The following TLE1 variants were observed in gnomAD, a reference collection of about 807,000 sequenced individuals.
The protein encoded by TLE1 is TLE family member 1, transcriptional corepressor, also known as transducin-like enhancer protein 1.
In TLE1, 21 loss-of-function variants were observed where a neutral mutation model predicts 89.8. That is an observed-to-expected ratio of 0.23 (90% CI 0.17 to 0.34). The LOEUF (loss-of-function observed/expected upper bound fraction) is 0.34. TLE1 is among the 10% of genes least tolerant of loss of function. The pLI is 1.00. For synonymous variants in TLE1, 447 were observed against 407.6 expected, an observed-to-expected ratio of 1.10 and a Z score of -1.16; for missense variants, 795 against 1,031.2, an observed-to-expected ratio of 0.77 and a Z score of 3.14.
At chr9:81,647,879 G>A (rs1241367882) in intron 6 of TLE1, among the ~76,000 whole-genome samples, 1 of 152,080 alleles carries the variant, frequency 6.6e-6, no homozygotes. Context: ...GGACCAACAG[G>A]TGGTTAGAAA....
rs77830683 is a variant in TLE1, at chr9:81,686,381, A to G, written c.126-485T>C. Among the ~76,000 whole-genome samples, 584 of 152,336 alleles carry G rather than the reference A, an allele frequency of 3.8e-3. 3 individuals carry two copies. Among genetic ancestry groups the G allele is most frequent in the Middle Eastern group, 0.01 (3 of 294 alleles). ...CTTTGGTTTTTAAATCCCTGCCAAA[A>G]TATGTCAAGTAGCTACTGCAATAAA... On this transcript the variant is annotated intron_variant, in intron 2 of 19. Coordinates refer to ENST00000376499, the MANE Select transcript of TLE1 (RefSeq NM_005077.5).
intron 14 of TLE1, among the ~76,000 whole-genome samples, chr9:81,608,524 A>T (rs528391669): frequency 6.6e-6 from 1 of 152,270 alleles, no homozygotes; most frequent in South Asian, 2.1e-4. Flanking sequence ...TAAAAATAAA[A>T]AACTCACTAA....
At chr9:81,644,706 G>T (rs923824362) in intron 6 of TLE1, among the ~76,000 whole-genome samples, 1 of 152,024 alleles carries the variant, frequency 6.6e-6, no homozygotes, top group Non-Finnish European at 1.5e-5. Context: ...TAAAAAAGAC[G>T]AATTTGGCCA....
intron 14 of TLE1, among the ~76,000 whole-genome samples, chr9:81,596,438 G>A (rs1424888282): frequency 6.6e-6 from 1 of 152,020 alleles, no homozygotes; most frequent in African/African-American, 2.4e-5. Context: ...GGATCAACTG[G>A]AAGGAAAAAA....
rs57789357 is a variant in TLE1, at chr9:81,658,918, A to T, written c.235-4882T>A. Among the ~76,000 whole-genome samples, 1,147 of 149,124 alleles carry T rather than the reference A, an allele frequency of 7.7e-3. 15 individuals are homozygous for T. The highest frequency in any genetic ancestry group is 0.026 in the African/African-American group (1,061 of 40,730). On this transcript the variant is annotated intron_variant, in intron 4 of 19. Transcript: ENST00000376499. ...TATGTATTTATTTATCTATTTATTT[A>T]TTTTTTTTTTAGATGGAGTCTTGCT...
intron 11 of TLE1, among the ~76,000 whole-genome samples, chr9:81,613,754 C>T (rs1205068311): frequency 2.6e-5 from 4 of 152,122 alleles, no homozygotes; most frequent in Non-Finnish European, 5.9e-5. Context: ...ACACTTCTTC[C>T]TCCGCAGATT....
At position 81,677,564 on chromosome 9, in the gene TLE1, C is replaced by CAA. The variant is rs60091510; in HGVS notation, c.234+8110_234+8111dup. Among the ~76,000 whole-genome samples, 553 of 85,358 alleles carry CAA rather than the reference C, an allele frequency of 6.5e-3. 8 individuals are homozygous for CAA. The highest frequency in any genetic ancestry group is 0.022 in the South Asian group (51 of 2,288). 56.0% of individuals were successfully genotyped at this position (85,358 alleles called of 152,430 possible). ...TGGGTAACAGAGCGAGACTCCATCT[C>CAA]AAAAAAAAAAAAAAAAAAAAGTAAA... On this transcript the variant is annotated intron_variant, in intron 4 of 19. Coordinates refer to ENST00000376499, the MANE Select transcript of TLE1 (RefSeq NM_005077.5).
At chr9:81,624,960 G>A (rs985509337) in intron 8 of TLE1, among the ~76,000 whole-genome samples, 1 of 152,068 alleles carries the variant, frequency 6.6e-6, no homozygotes, top group Admixed American at 6.6e-5. Context: ...GCATACACTT[G>A]TGGGTACAGG....
rs1456180801 is a variant in TLE1, at chr9:81,619,040, A to G, written c.711+1401T>C. Among the ~76,000 whole-genome samples the G allele has an allele frequency of 2.0e-5, 3 of 152,190 alleles. No homozygotes were observed. In the East Asian group the frequency reaches 5.8e-4, roughly 29 times the overall value. Reference sequence around the variant, plus strand: ...CGGCAAGCTTTATGGATTCTAGAGCACTCATTACTAAATAACTTACTATAC... The same window carrying G: ...CGGCAAGCTTTATGGATTCTAGAGCGCTCATTACTAAATAACTTACTATAC... On this transcript the variant is annotated intron_variant, in intron 9 of 19. Transcript: ENST00000376499.
chr9:81,643,158 C>T (rs1178649364), intron 6 of TLE1, among the ~76,000 whole-genome samples: 7 of 151,956 alleles, frequency 4.6e-5, no homozygotes, highest in South Asian at 2.1e-4. Flanking sequence ...AGGTACAACA[C>T]GGTGACTATA....
At chr9:81,654,791 A>G (rs1040794961) in intron 4 of TLE1, among the ~76,000 whole-genome samples, 1 of 152,216 alleles carries the variant, frequency 6.6e-6, no homozygotes, top group Admixed American at 6.5e-5. Context: ...AGTAGAAGAA[A>G]GGCCTGCTGA....
In TLE1 at chr9:81,689,105, C is replaced by A. The variant is rs1834723325; in HGVS notation, c.-865G>T. On this transcript the variant is annotated 5_prime_UTR_variant, in exon 1 of 20. Transcript: ENST00000376499. Reference sequence around the variant, plus strand: ...GCGCACTCGCCCTGCACGGCCGGACCGGCCGCTCCGGACCCTTCTTCCGAG... The same window carrying A: ...GCGCACTCGCCCTGCACGGCCGGACAGGCCGCTCCGGACCCTTCTTCCGAG... 1 of 152,326 alleles carries A rather than the reference C, an allele frequency of 6.6e-6. No individual in the cohort carries two copies. The highest frequency in any genetic ancestry group is 6.5e-5 in the Admixed American group (1 of 15,288). The allele number at this position is 152,326 out of a possible 1,614,324, so 9.4% of individuals were successfully genotyped here.
At position 81,597,145 on chromosome 9, in the gene TLE1, A is replaced by G. The variant is rs1198786960; in HGVS notation, c.1332-3871T>C. Among the ~76,000 whole-genome samples the G allele has an allele frequency of 2.6e-5, 4 of 152,242 alleles. No homozygotes were observed. The East Asian group carries it at 7.8e-4, about 30-fold the overall frequency. ...GTTTCGTGATCCATAAGATAGGAAT[A>G]ATAATAAAACACAGAGGTCGCAGGG... On this transcript the variant is annotated intron_variant, in intron 14 of 19. Transcript: ENST00000376499.
chr9:81,669,476 C>T (rs561841701), intron 4 of TLE1, among the ~76,000 whole-genome samples: 3 of 152,188 alleles, frequency 2.0e-5, no homozygotes, highest in Non-Finnish European at 2.9e-5. Flanking sequence ...AAGTCTGGAA[C>T]GCAATTTTCC....
chr9:81,587,478 C>G (rs1828676273), intron 17 of TLE1, among the ~76,000 whole-genome samples: 2 of 152,152 alleles, frequency 1.3e-5, no homozygotes. Context: ...ATTCTAAAAA[C>G]CACTCTAGTT....
intron 14 of TLE1, among the ~76,000 whole-genome samples, chr9:81,594,027 G>A (rs1432033641): frequency 2.0e-5 from 3 of 152,136 alleles, no homozygotes; most frequent in Non-Finnish European, 4.4e-5. Context: ...TTTTGAGGAA[G>A]CTCTGAACTT....
chr9:81,584,099 G>T lies in TLE1; in HGVS notation c.*99C>A. On this transcript the variant is annotated 3_prime_UTR_variant, in exon 20 of 20. Coordinates refer to ENST00000376499, the MANE Select transcript of TLE1 (RefSeq NM_005077.5). The stretch of plus-strand genomic sequence containing the variant: ...TGTCAAGGTTTGGAAACAGGTGTTT[G>T]TAATTTTTTTTCTCTTTTAAAGTTA... The T allele has an allele frequency of 9.2e-7, 1 of 1,084,864 alleles. No homozygotes were observed. Among genetic ancestry groups the T allele is most frequent in the Non-Finnish European group, 1.4e-6 (1 of 726,998 alleles). 67.2% of individuals were successfully genotyped at this position (1,084,864 alleles called of 1,614,324 possible).
intron 6 of TLE1, among the ~76,000 whole-genome samples, chr9:81,638,299 A>G (rs916045925): frequency 6.6e-6 from 1 of 152,220 alleles, no homozygotes; most frequent in South Asian, 2.1e-4. Flanking sequence ...CAAGCCTAAC[A>G]GTGCTGGCTC....
chr9:81,587,143 G>A (rs1828605144), intron 17 of TLE1, among the ~76,000 whole-genome samples: 1 of 152,138 alleles, frequency 6.6e-6, no homozygotes, highest in African/African-American at 2.4e-5. Flanking sequence ...AATCTAGTCA[G>A]CCACCAGTTC....
Sources: allele counts gnomAD v4.1 joint callset (sites outside exome capture counted in the v4.1 genomes callset), GRCh38; gene constraint gnomAD v4.1.1; transcripts MANE v1.5; gene names NCBI Gene and HGNC (gene_info 2026-07-23, HGNC 2026-07-21).